The following PAQR5 variants were observed in gnomAD, a reference collection of about 807,000 sequenced individuals.
PAQR5 encodes the protein membrane progestin receptor gamma.
In PAQR5, 20 loss-of-function variants were observed where a neutral mutation model predicts 34.5. The ratio of observed to expected loss-of-function variants is 0.58; its 90% CI spans 0.41 to 0.84. The LOEUF is 0.84. PAQR5 is among the 40% of genes least tolerant of loss of function. The probability of loss-of-function intolerance (pLI) is 0.00; values close to 1 mark genes in which losing one functional copy is unlikely to be tolerated. For missense variants in PAQR5, 378 were observed against 412.7 expected, an observed-to-expected ratio of 0.92 and a Z score of 0.73; for synonymous variants, 131 against 155.6, an observed-to-expected ratio of 0.84 and a Z score of 1.18.
At chr15:69,345,117 AAAAGAG>A (rs1260306898) in intron 2 of PAQR5, among the ~76,000 whole-genome samples, 6 of 152,034 alleles carry the variant, frequency 3.9e-5, no homozygotes, top group Non-Finnish European at 1.5e-5. Context: ...AAGAAAAAAG[AAAAGAG>A]AAAGAAGAAA....
Position 69,389,704 on chromosome 15 carries a change from A to C in PAQR5, c.436A>C (p.Thr146Pro), listed in dbSNP as rs761691304. ...AYTFPDALMC[T>P]TFHDYYVALA... ...CACGTTCCCGGATGCGCTCATGTGC[A>C]CCACTTTCCATGACTACTACGTGGC... Residue 146 changes from threonine (T) to proline (P), a missense_variant, in exon 6 of 9, where the codon ACC becomes CCC. Thr to Pro is a conservative substitution (Grantham distance 38, BLOSUM62 -1). Coordinates refer to ENST00000395407, the MANE Select transcript of PAQR5 (RefSeq NM_017705.4). The C allele has an allele frequency of 1.4e-5, 22 of 1,614,040 alleles. No homozygotes were observed. Among genetic ancestry groups the C allele is most frequent in the Non-Finnish European group, 1.2e-5 (14 of 1,180,030 alleles).
At chr15:69,355,332 CTTT>C (rs2055038306) in intron 2 of PAQR5, among the ~76,000 whole-genome samples, 1 of 28,706 alleles carries the variant, frequency 3.5e-5, no homozygotes. Context: ...TTCTTTCTTT[CTTT>C]CTTTCTTTTT....
At chr15:69,394,992 G>A (rs1330608161) in intron 6 of PAQR5, among the ~76,000 whole-genome samples, 1 of 152,226 alleles carries the variant, frequency 6.6e-6, no homozygotes, top group African/African-American at 2.4e-5. Flanking sequence ...GCGAAATGTT[G>A]TCTCAAGTCA....
chr15:69,310,535 T>G (rs1284912959), intron 1 of PAQR5, among the ~76,000 whole-genome samples: 1 of 152,244 alleles, frequency 6.6e-6, no homozygotes, highest in Non-Finnish European at 1.5e-5. Context: ...GAATTTCCTC[T>G]TCTGTGAACT....
chr15:69,319,447 A>G (rs2054044210), intron 1 of PAQR5, among the ~76,000 whole-genome samples: 1 of 151,510 alleles, frequency 6.6e-6, no homozygotes, highest in South Asian at 2.1e-4. Flanking sequence ...AGCTCAGAGC[A>G]GTTGTTCCCT....
chr15:69,368,253 A>G (rs2055456126), intron 3 of PAQR5, among the ~76,000 whole-genome samples: 1 of 152,184 alleles, frequency 6.6e-6, no homozygotes, highest in South Asian at 2.1e-4. Flanking sequence ...TGGTTTCACC[A>G]TGTTGGCCAG....
chr15:69,313,491 C>A (rs1011783489), intron 1 of PAQR5, among the ~76,000 whole-genome samples: 1 of 152,100 alleles, frequency 6.6e-6, no homozygotes, highest in African/African-American at 2.4e-5. Context: ...CAGAGTGAGA[C>A]TCTGTCTCAA....
chr15:69,340,114 C>T (rs2054606738), intron 2 of PAQR5, among the ~76,000 whole-genome samples: 1 of 152,064 alleles, frequency 6.6e-6, no homozygotes, highest in African/African-American at 2.4e-5. Flanking sequence ...GATCTGCCCG[C>T]CTTGGACTCC....
intron 1 of PAQR5, among the ~76,000 whole-genome samples, chr15:69,323,497 A>G (rs1410684817): frequency 2.0e-5 from 3 of 152,198 alleles, no homozygotes; most frequent in Non-Finnish European, 4.4e-5. Flanking sequence ...CACATAGAGT[A>G]AGGCTCACCT....
At position 69,320,863 on chromosome 15, in the gene PAQR5, T is replaced by G. The variant is rs117689649; in HGVS notation, c.-276-16478T>G. Among the ~76,000 whole-genome samples, 790 of 152,370 alleles carry G rather than the reference T, an allele frequency of 5.2e-3. 22 individuals carry two copies. The East Asian group carries it at 0.068, about 13-fold the overall frequency. On this transcript the variant is annotated intron_variant, in intron 1 of 8. Coordinates refer to ENST00000395407, the MANE Select transcript of PAQR5 (RefSeq NM_017705.4). Reference sequence around the variant, plus strand: ...TCATTATGTCACAAGTATGCTTTTTTTCCCTGTAAAATTTTCTAGAAAAAG... The same window carrying G: ...TCATTATGTCACAAGTATGCTTTTTGTCCCTGTAAAATTTTCTAGAAAAAG...
At chr15:69,311,541 T>C (rs1273119958) in intron 1 of PAQR5, among the ~76,000 whole-genome samples, 3 of 152,188 alleles carry the variant, frequency 2.0e-5, no homozygotes, top group African/African-American at 7.2e-5. Context: ...ATCACTTCCT[T>C]ATCTAACTGG....
intron 1 of PAQR5, among the ~76,000 whole-genome samples, chr15:69,321,325 C>T (rs1440615188): frequency 6.6e-6 from 1 of 152,218 alleles, no homozygotes; most frequent in African/African-American, 2.4e-5. Flanking sequence ...AGATTAACTT[C>T]CATGCTGGCT....
chr15:69,311,794 C>A (rs1336551601), intron 1 of PAQR5, among the ~76,000 whole-genome samples: 1 of 152,208 alleles, frequency 6.6e-6, no homozygotes, highest in Non-Finnish European at 1.5e-5. Context: ...GGTGTGGCCC[C>A]TCCTCTTGGG....
At chr15:69,313,952 T>C (rs2053885969) in intron 1 of PAQR5, among the ~76,000 whole-genome samples, 1 of 152,038 alleles carries the variant, frequency 6.6e-6, no homozygotes, top group African/African-American at 2.4e-5. Context: ...GGACCTTGCC[T>C]TTCTGTGAGG....
At chr15:69,371,187 T>C (rs2055551884) in intron 3 of PAQR5, among the ~76,000 whole-genome samples, 1 of 152,214 alleles carries the variant, frequency 6.6e-6, no homozygotes, top group East Asian at 1.9e-4. Context: ...GAGAAACTTC[T>C]GCTGAGATTC....
chr15:69,380,275 G>A (rs1008353352), intron 4 of PAQR5: 60 of 388,508 alleles, frequency 1.5e-4, no homozygotes, highest in Middle Eastern at 7.3e-4. Context: ...CTGCTCCGGT[G>A]CCTGATATGA....
chr15:69,378,227 T>C (rs1340867099), intron 3 of PAQR5, among the ~76,000 whole-genome samples: 1 of 124,662 alleles, frequency 8.0e-6, no homozygotes, highest in Non-Finnish European at 1.6e-5. Context: ...ATAACAACAC[T>C]GCACTCCAGC....
chr15:69,344,942 C>T (rs1048724185), intron 2 of PAQR5, among the ~76,000 whole-genome samples: 2 of 151,990 alleles, frequency 1.3e-5, no homozygotes, highest in African/African-American at 4.8e-5. Context: ...CCAAAAAATA[C>T]AAAAATTAGC....
chr15:69,394,753 C>G (rs2056367813), intron 6 of PAQR5, among the ~76,000 whole-genome samples: 1 of 152,222 alleles, frequency 6.6e-6, no homozygotes, highest in African/African-American at 2.4e-5. Context: ...TCTGAGGATG[C>G]TGCGGCTGTG....
Sources: allele counts gnomAD v4.1 joint callset (sites outside exome capture counted in the v4.1 genomes callset), GRCh38; gene constraint gnomAD v4.1.1; transcripts MANE v1.5; gene names NCBI Gene and HGNC (gene_info 2026-07-23, HGNC 2026-07-21).